CLASP1: variants seen among roughly 807,000 people sequenced by gnomAD.
CLASP1 encodes CLIP-associating protein 1.
CLASP1 carries 38 observed loss-of-function variants against 192.3 expected under a neutral mutation model. The observed-to-expected ratio is 0.20, with a 90% confidence interval of 0.15 to 0.26. The LOEUF (loss-of-function observed/expected upper bound fraction) is 0.26. Ranked by LOEUF, CLASP1 falls within the 10% of genes least tolerant of loss-of-function variation. The probability of loss-of-function intolerance (pLI) is 1.00; values close to 1 mark genes in which losing one functional copy is unlikely to be tolerated. For missense variants in CLASP1, 1,433 were observed against 1,932.5 expected (o/e 0.74, Z 4.85); for synonymous variants, 691 against 712.8 (o/e 0.97, Z 0.49).
intron 2 of CLASP1, chr2:121,530,641 G>A (rs896332758): frequency 5.6e-6 from 3 of 531,270 alleles, no homozygotes; most frequent in African/African-American, 3.8e-5. Flanking sequence ...CCGCCCCGGC[G>A]AGAAAAGCGT....
intron 33 of CLASP1, among the ~76,000 whole-genome samples, chr2:121,380,707 TAGAC>T (rs1180321054): frequency 1.3e-5 from 2 of 152,218 alleles, no homozygotes; most frequent in African/African-American, 2.4e-5. Flanking sequence ...ACAGAACAAA[TAGAC>T]AGACATACAG....
At chr2:121,588,173 C>CAA (rs397769809) in intron 2 of CLASP1, among the ~76,000 whole-genome samples, 346 of 59,354 alleles carry the variant, frequency 5.8e-3, no homozygotes, top group Middle Eastern at 0.01. Flanking sequence ...GACTCCGTCT[C>CAA]AAAAAAAAAA....
chr2:121,345,327 C>CG (rs1381874332), intron 39 of CLASP1, among the ~76,000 whole-genome samples: 3 of 152,074 alleles, frequency 2.0e-5, no homozygotes, highest in Non-Finnish European at 4.4e-5. Context: ...GTGGCAGCAG[C>CG]GGGTCAATTG....
Position 121,347,297 on chromosome 2 carries a change from A to C in CLASP1, c.4414-143T>G, listed in dbSNP as rs2063571220. 2.3e-5 allele frequency: 14 copies of C among 621,036 alleles called. No individual in the cohort carries two copies. The South Asian group carries it at 2.3e-4, about 10-fold the overall frequency. 38.5% of individuals were successfully genotyped at this position (621,036 alleles called of 1,614,324 possible). A position where few individuals can be genotyped will look rare whatever the true frequency, so the allele number is the denominator to read the frequency against. On this transcript the variant is annotated intron_variant, in intron 38 of 39. Coordinates refer to ENST00000263710, the Ensembl canonical transcript of CLASP1. ...CAACCAGGATAGACCTCAGCCCCGC[A>C]ATGGAATCCAGACAGCTTTCACCCC...
At chr2:121,571,394 A>T (rs1456562273) in intron 2 of CLASP1, among the ~76,000 whole-genome samples, 1 of 152,114 alleles carries the variant, frequency 6.6e-6, no homozygotes, top group East Asian at 1.9e-4. Flanking sequence ...GGCTTTCACC[A>T]TGTTGCCCAA....
At chr2:121,578,422 CAAAAAAAAAA>C (rs70954557) in intron 2 of CLASP1, among the ~76,000 whole-genome samples, 4 of 65,728 alleles carry the variant, frequency 6.1e-5, no homozygotes, top group Non-Finnish European at 9.0e-5. Flanking sequence ...AGACTATCTC[CAAAAAAAAAA>C]AAAAAAAAAA....
chr2:121,511,670 A>T (rs756701388), intron 7 of CLASP1, among the ~76,000 whole-genome samples: 1 of 152,174 alleles, frequency 6.6e-6, no homozygotes, highest in Non-Finnish European at 1.5e-5. Context: ...GTGACAAAAA[A>T]TTTTTAAATA....
chr2:121,402,266 G>A lies in CLASP1; in HGVS notation c.2734-396C>T, dbSNP rs146453108. ...CAGATATCATAAAGTAATAGATTACGGCTTAGAATAAAATATATAAAAATA... is the reference window on the plus strand; with the variant it reads ...CAGATATCATAAAGTAATAGATTACAGCTTAGAATAAAATATATAAAAATA... On this transcript the variant is annotated intron_variant, in intron 26 of 39. Coordinates refer to ENST00000263710, the Ensembl canonical transcript of CLASP1. Among the ~76,000 whole-genome samples, 807 of 152,232 alleles carry A rather than the reference G, an allele frequency of 5.3e-3. 14 individuals are homozygous for A. The highest frequency in any genetic ancestry group is 0.03 in the Admixed American group (464 of 15,282).
At chr2:121,557,553 C>T (rs1344191396) in intron 2 of CLASP1, among the ~76,000 whole-genome samples, 1 of 151,306 alleles carries the variant, frequency 6.6e-6, no homozygotes, top group African/African-American at 2.4e-5. Flanking sequence ...CACTGCACTC[C>T]AGCCTAGGCG....
At chr2:121,433,531 G>A (rs1256990770) in intron 19 of CLASP1, among the ~76,000 whole-genome samples, 1 of 152,138 alleles carries the variant, frequency 6.6e-6, no homozygotes, top group African/African-American at 2.4e-5. Flanking sequence ...GAGGTGGGAG[G>A]ATCTCTTGAG....
intron 2 of CLASP1, among the ~76,000 whole-genome samples, chr2:121,593,857 A>G (rs1204319012): frequency 6.6e-6 from 1 of 151,616 alleles, no homozygotes; most frequent in African/African-American, 2.4e-5. Flanking sequence ...CTAAAAATAC[A>G]AAATTAGCCA....
At chr2:121,515,822 G>T in intron 6 of CLASP1, 60 bp from the exon 7 acceptor site, 2 of 1,430,194 alleles carry the variant, frequency 1.4e-6, no homozygotes, top group Non-Finnish European at 9.8e-7. Context: ...AAGTCCTGCT[G>T]GGACACAACA....
intron 1 of CLASP1, among the ~76,000 whole-genome samples, chr2:121,612,738 C>G (rs2065820602): frequency 6.6e-6 from 1 of 152,116 alleles, no homozygotes; most frequent in African/African-American, 2.4e-5. Flanking sequence ...AAAACCAGGT[C>G]TATTAGTCTA....
rs900054233 is a variant in CLASP1 at position 121,407,799 on chromosome 2, C to T, written c.2425-84G>A. The T allele has an allele frequency of 3.4e-6, 5 of 1,473,144 alleles. No homozygotes were observed. The African/African-American group carries it at 6.9e-5, about 20-fold the overall frequency. 91.3% of individuals were successfully genotyped at this position (1,473,144 alleles called of 1,614,324 possible). A position where few individuals can be genotyped will look rare whatever the true frequency, so the allele number is the denominator to read the frequency against. Reference sequence around the variant, plus strand: ...TGTGAGTCACACCAAACAAAATCTACAACAAAGAGTTAAGTGTAAAAAGAC... The same window carrying T: ...TGTGAGTCACACCAAACAAAATCTATAACAAAGAGTTAAGTGTAAAAAGAC... On this transcript the variant is annotated intron_variant, in intron 24 of 39. Transcript: ENST00000263710.
chr2:121,463,242 C>G (rs1483605879), intron 9 of CLASP1, among the ~76,000 whole-genome samples: 1 of 152,096 alleles, frequency 6.6e-6, no homozygotes, highest in Non-Finnish European at 1.5e-5. Context: ...GATGCTTTAT[C>G]AGATTTTTTT....
At position 121,605,687 on chromosome 2, in the gene CLASP1, A is replaced by G; in HGVS notation, c.195+14T>C. 1.2e-6 allele frequency: 2 copies of G among 1,611,746 alleles called. No homozygotes were observed. Among genetic ancestry groups the G allele is most frequent in the South Asian group, 1.1e-5 (1 of 91,030 alleles). ...CCAGCCACCTCCAAAAGTGCCTTCT[A>G]AAGCACAGCTTACCTTGTAATTGCT... On this transcript the variant is annotated intron_variant, in intron 2 of 39. Coordinates refer to ENST00000263710, the Ensembl canonical transcript of CLASP1.
chr2:121,568,200 C>T (rs1188231892), intron 2 of CLASP1, among the ~76,000 whole-genome samples: 1 of 152,054 alleles, frequency 6.6e-6, no homozygotes, highest in African/African-American at 2.4e-5. Flanking sequence ...TGGCTAATGA[C>T]GTCCAGCCAG....
chr2:121,531,196 G>T (rs911565235), intron 2 of CLASP1, among the ~76,000 whole-genome samples: 1 of 152,040 alleles, frequency 6.6e-6, no homozygotes, highest in South Asian at 2.1e-4. Flanking sequence ...TTAACTTTAC[G>T]CCGATCATCA....
At chr2:121,373,792 A>C (rs1447865079) in intron 34 of CLASP1, among the ~76,000 whole-genome samples, 1 of 152,246 alleles carries the variant, frequency 6.6e-6, no homozygotes, top group Non-Finnish European at 1.5e-5. Context: ...TAAGCAGTAA[A>C]GTGTTCAAGA....
Sources: allele counts gnomAD v4.1 joint callset (sites outside exome capture counted in the v4.1 genomes callset), GRCh38; gene constraint gnomAD v4.1.1; transcripts MANE v1.5; gene names NCBI Gene and HGNC (gene_info 2026-07-23, HGNC 2026-07-21).